The following PCCB variants were observed in gnomAD, a reference collection of about 807,000 sequenced individuals.
PCCB encodes the protein propionyl-CoA carboxylase beta chain, mitochondrial.
Under a neutral mutation model 60.7 loss-of-function variants are expected in PCCB, and 43 were observed. The ratio of observed to expected loss-of-function variants is 0.71; its 90% CI spans 0.55 to 0.91. PCCB has a LOEUF of 0.91. Among genes scored for constraint, PCCB ranks in the 40% least tolerant of loss-of-function variants. PCCB has a pLI of 0.00. For missense variants in PCCB, 766 were observed against 702.8 expected, an observed-to-expected ratio of 1.09 and a Z score of -1.02; for synonymous variants, 276 against 255.9, an observed-to-expected ratio of 1.08 and a Z score of -0.75.
At chr3:136,310,488 C>T (rs1461335584) in intron 9 of PCCB, among the ~76,000 whole-genome samples, 1 of 152,200 alleles carries the variant, frequency 6.6e-6, no homozygotes, top group East Asian at 1.9e-4. Flanking sequence ...TGCCACGGCA[C>T]TCTACCCTGG....
At chr3:136,273,297 TG>T (rs1209976472) in intron 5 of PCCB, among the ~76,000 whole-genome samples, 2 of 152,184 alleles carry the variant, frequency 1.3e-5, no homozygotes, top group African/African-American at 4.8e-5. Context: ...TGCAGTTGTT[TG>T]GTAGAATGTT....
chr3:136,274,839 TTTC>T (rs1363792421), intron 5 of PCCB, among the ~76,000 whole-genome samples: 1 of 151,772 alleles, frequency 6.6e-6, no homozygotes, highest in Non-Finnish European at 1.5e-5. Context: ...TTTTTTTTTC[TTTC>T]TTGAGATAGG....
At chr3:136,272,924 G>A (rs1364079173) in intron 5 of PCCB, among the ~76,000 whole-genome samples, 1 of 152,016 alleles carries the variant, frequency 6.6e-6, no homozygotes, top group Non-Finnish European at 1.5e-5. Flanking sequence ...GTCAGTTTGT[G>A]TTCTTTCAGA....
At position 136,267,739 on chromosome 3, in the gene PCCB, G is replaced by A. The variant is rs567137134; in HGVS notation, c.543+5674G>A. Among the ~76,000 whole-genome samples the A allele has an allele frequency of 6.4e-4, 98 of 152,018 alleles. 1 individual carries two copies. The highest frequency in any genetic ancestry group is 1.3e-3 in the Non-Finnish European group (88 of 67,976). On this transcript the variant is annotated intron_variant, in intron 5 of 14. Transcript: ENST00000251654. The stretch of plus-strand genomic sequence containing the variant: ...TGGACTTAAACTGTCCTCCTACCTC[G>A]GCTTCCTAGAGTGCTGGTGTTACTG...
At chr3:136,320,552 G>T (rs1935073128) in intron 10 of PCCB, among the ~76,000 whole-genome samples, 1 of 152,126 alleles carries the variant, frequency 6.6e-6, no homozygotes, top group Non-Finnish European at 1.5e-5. Context: ...CTTGTAACTT[G>T]CAACTTTGCT....
chr3:136,288,676 G>C (rs1933537036), intron 6 of PCCB, among the ~76,000 whole-genome samples: 1 of 145,702 alleles, frequency 6.9e-6, no homozygotes, highest in Non-Finnish European at 1.5e-5. Flanking sequence ...GTCTCACTCT[G>C]TTGCCCAGGC....
chr3:136,255,584 AT>A lies in PCCB; in HGVS notation c.184-271del, dbSNP rs1447786134. The A allele has an allele frequency of 2.8e-4, 133 of 480,150 alleles. No homozygotes were observed. The Middle Eastern group carries it at 4.2e-3, about 15-fold the overall frequency. The allele number at this position is 480,150 out of a possible 1,614,324, so 29.7% of individuals were successfully genotyped here. A position where few individuals can be genotyped will look rare whatever the true frequency, so the allele number is the denominator to read the frequency against. On this transcript the variant is annotated intron_variant, in intron 1 of 14. Coordinates refer to ENST00000251654, the MANE Select transcript of PCCB (RefSeq NM_000532.5). ...TGTGTTCCAGGGTCAGGTTCTCCTT[AT>A]CCCCACTTCTCTCTACCTTTTCCTC...
chr3:136,296,107 T>C (rs1477903952), intron 7 of PCCB, among the ~76,000 whole-genome samples: 1 of 152,244 alleles, frequency 6.6e-6, no homozygotes, highest in Non-Finnish European at 1.5e-5. Context: ...TGAGATGTAA[T>C]TCATATACCG....
chr3:136,304,858 A>G lies in PCCB; in HGVS notation c.966+3747A>G, dbSNP rs1404853926. Among the ~76,000 whole-genome samples the G allele has an allele frequency of 2.0e-4, 21 of 107,518 alleles. 4 individuals are homozygous for G. The highest frequency in any genetic ancestry group is 5.9e-4 in the African/African-American group (21 of 35,684). The allele number at this position is 107,518 out of a possible 152,430, so 70.5% of individuals were successfully genotyped here. A position where few individuals can be genotyped will look rare whatever the true frequency, so the allele number is the denominator to read the frequency against. ...AGGCACCCGCCACCACGCTTGGCTA[A>G]TTTTTGTATTTTTAGTAGAGACGGG... On this transcript the variant is annotated intron_variant, in intron 9 of 14. Coordinates refer to ENST00000251654, the MANE Select transcript of PCCB (RefSeq NM_000532.5).
intron 3 of PCCB, among the ~76,000 whole-genome samples, chr3:136,257,406 C>G (rs1941701515): frequency 6.6e-6 from 1 of 152,174 alleles, no homozygotes; most frequent in Non-Finnish European, 1.5e-5. Context: ...GAGCACAGTC[C>G]TGCCAACCTT....
intron 14 of PCCB, 135 bp from the exon 15 acceptor site, chr3:136,329,770 C>A: frequency 1.1e-6 from 1 of 899,826 alleles, no homozygotes; most frequent in Non-Finnish European, 1.8e-6. Context: ...ATTCACAGGG[C>A]CTACCATCTC....
chr3:136,291,678 TC>T (rs1933696657), intron 6 of PCCB, among the ~76,000 whole-genome samples: 1 of 152,200 alleles, frequency 6.6e-6, no homozygotes, highest in Non-Finnish European at 1.5e-5. Flanking sequence ...TTTTCTTCCC[TC>T]GCGTCAGCAG....
At chr3:136,253,019 G>A (rs1443175324) in intron 1 of PCCB, among the ~76,000 whole-genome samples, 1 of 149,464 alleles carries the variant, frequency 6.7e-6, no homozygotes, top group Non-Finnish European at 1.5e-5. Flanking sequence ...GGGGAGGGGG[G>A]GATAGGACAG....
Position 136,286,837 on chromosome 3 carries a change from C to G in PCCB, c.654+2890C>G, listed in dbSNP as rs183757756. The stretch of plus-strand genomic sequence containing the variant: ...CTTGAGGCTAGTAGTTTGAGACCAG[C>G]ATGGCCAACATGATGAAACCCTGTC... On this transcript the variant is annotated intron_variant, in intron 6 of 14. Transcript: ENST00000251654. Among the ~76,000 whole-genome samples, 776 of 152,036 alleles carry G rather than the reference C, an allele frequency of 5.1e-3. 3 individuals carry two copies. Among genetic ancestry groups the G allele is most frequent in the Admixed American group, 7.7e-3 (118 of 15,242 alleles).
At chr3:136,276,520 T>C (rs149440818) in intron 5 of PCCB, among the ~76,000 whole-genome samples, 256 of 152,268 alleles carry the variant, frequency 1.7e-3, no homozygotes, top group African/African-American at 5.8e-3. Context: ...ACTGTTGTTG[T>C]TCCACACAGA....
At chr3:136,274,010 A>G (rs1942276969) in intron 5 of PCCB, among the ~76,000 whole-genome samples, 2 of 149,300 alleles carry the variant, frequency 1.3e-5, no homozygotes, top group Admixed American at 6.8e-5. Flanking sequence ...CCTTGAGGTT[A>G]TATGAATCCT....
At position 136,273,589 on chromosome 3, in the gene PCCB, T is replaced by C. The variant is rs866723081; in HGVS notation, c.544-10248T>C. 9.4e-3 allele frequency among the ~76,000 whole-genome samples: 1,252 copies of C among 133,248 alleles called. 20 individuals carry two copies. The highest frequency in any genetic ancestry group is 0.039 in the East Asian group (190 of 4,854). 87.4% of individuals were successfully genotyped at this position (133,248 alleles called of 152,430 possible). A position where few individuals can be genotyped will look rare whatever the true frequency, so the allele number is the denominator to read the frequency against. ...CCTTCTTTTTCTTTCTTTTTTTTTT[T>C]CTTTTTTCTTTTTTTTTTTTTTTTT... is the stretch of plus-strand genomic sequence containing the variant. On this transcript the variant is annotated intron_variant, in intron 5 of 14. Coordinates refer to ENST00000251654, the MANE Select transcript of PCCB (RefSeq NM_000532.5).
At chr3:136,307,944 A>C (rs1241090849) in intron 9 of PCCB, among the ~76,000 whole-genome samples, 2 of 151,784 alleles carry the variant, frequency 1.3e-5, no homozygotes, top group Non-Finnish European at 2.9e-5. Flanking sequence ...CATTGCACTC[A>C]AGCCTGGGCA....
At chr3:136,307,890 G>A (rs538301061) in intron 9 of PCCB, among the ~76,000 whole-genome samples, 21 of 152,050 alleles carry the variant, frequency 1.4e-4, no homozygotes, top group African/African-American at 4.8e-4. Context: ...CAGGAGAATC[G>A]CTTGAACCCA....
Sources: gnomAD v4.1 joint callset for allele counts (sites outside exome capture counted in the v4.1 genomes callset) on GRCh38, gnomAD v4.1.1 for gene constraint, MANE v1.5 for transcripts, NCBI Gene and HGNC (gene_info 2026-07-23, HGNC 2026-07-21) for gene names.